Variants in TUBGCP4 observed in about 807,000 individuals in gnomAD.
TUBGCP4 encodes gamma-tubulin complex component 4.
In TUBGCP4, 54 loss-of-function variants were observed where a neutral mutation model predicts 91.6. The ratio of observed to expected loss-of-function variants is 0.59; its 90% confidence interval spans 0.47 to 0.74. The LOEUF is 0.74. Among genes scored for constraint, TUBGCP4 ranks in the 30% least tolerant of loss-of-function variants. TUBGCP4 has a pLI of 0.00. For missense variants in TUBGCP4, 593 were observed against 800.9 expected (o/e 0.74, Z 3.13); for synonymous variants, 297 against 302.8 (o/e 0.98, Z 0.20).
rs746665458 is a variant in TUBGCP4 at position 43,400,157 on chromosome 15, C to G, written c.1532C>G (p.Ala511Gly). 5 of 1,614,178 alleles carry G rather than the reference C, an allele frequency of 3.1e-6. No homozygotes were observed. Among genetic ancestry groups the G allele is most frequent in the South Asian group, 1.1e-5 (1 of 91,078 alleles). Residue 511 changes from alanine (A) to glycine (G), a missense_variant, in exon 14 of 18, where the codon GCA (alanine) becomes GGA (glycine). Ala to Gly is a moderately conservative substitution (Grantham distance 60). Coordinates refer to ENST00000564079, the MANE Select transcript of TUBGCP4 (RefSeq NM_014444.5). ...CACCTCAAGTCGAACCAGACTGATG[C>G]AATCAAGTGGCGCCTAAGAAATCAC... is the stretch of plus-strand genomic sequence containing the variant. ...RKHLKSNQTD[A>G]IKWRLRNHMA... is the part of the protein sequence containing the mutation.
At chr15:43,388,459 A>G (rs2044416672) in intron 9 of TUBGCP4, among the ~76,000 whole-genome samples, 1 of 152,204 alleles carries the variant, frequency 6.6e-6, no homozygotes, top group Non-Finnish European at 1.5e-5. Flanking sequence ...TAAATGACCC[A>G]TGTTCCTGTC....
chr15:43,409,569 C>T lies in TUBGCP4; in HGVS notation c.*4355C>T. 1.3e-6 allele frequency: 1 copy of T among 762,330 alleles called. No individual in the cohort carries two copies. Among genetic ancestry groups the T allele is most frequent in the Non-Finnish European group, 2.1e-6 (1 of 487,578 alleles). 47.2% of individuals were successfully genotyped at this position (762,330 alleles called of 1,614,324 possible). A position where few individuals can be genotyped will look rare whatever the true frequency, so the allele number is the denominator to read the frequency against. Reference sequence around the variant, plus strand: ...CTACTTTATCCAGGTTCCCCAACCCCTCCCAGGCCTCTTCTCAACACAGCA... The same window carrying T: ...CTACTTTATCCAGGTTCCCCAACCCTTCCCAGGCCTCTTCTCAACACAGCA... On this transcript the variant is annotated 3_prime_UTR_variant, in exon 18 of 18. Coordinates refer to ENST00000564079, the MANE Select transcript of TUBGCP4 (RefSeq NM_014444.5).
intron 17 of TUBGCP4, 83 bp downstream of exon 17, chr15:43,404,635 C>T: frequency 6.2e-6 from 9 of 1,462,948 alleles, no homozygotes; most frequent in Non-Finnish European, 8.4e-6. Flanking sequence ...TGGAAGAAGA[C>T]TTTAGTCCAA....
intron 9 of TUBGCP4, among the ~76,000 whole-genome samples, chr15:43,392,108 A>ACG (rs1408712265): frequency 1.3e-5 from 2 of 151,114 alleles, no homozygotes; most frequent in East Asian, 3.9e-4. Context: ...ACACACACAC[A>ACG]CACACACACA....
chr15:43,376,250 T>C (rs373865027), intron 2 of TUBGCP4, 24 bp downstream of exon 2: 23 of 1,613,020 alleles, frequency 1.4e-5, no homozygotes, highest in Non-Finnish European at 1.9e-5. Context: ...TCTGTGGGTG[T>C]ACACCTCTAG....
intron 6 of TUBGCP4, 50 bp from the exon 7 acceptor site, chr15:43,383,253 T>C (rs2142799108): frequency 1.3e-6 from 2 of 1,512,496 alleles, no homozygotes; most frequent in Non-Finnish European, 9.0e-7. Flanking sequence ...GTTTATCCTG[T>C]AACAGTTTAA....
At chr15:43,375,103 A>G (rs1346340898) in intron 1 of TUBGCP4, among the ~76,000 whole-genome samples, 1 of 152,190 alleles carries the variant, frequency 6.6e-6, no homozygotes, top group East Asian at 1.9e-4. Flanking sequence ...GGGTTTCATC[A>G]TGTTGGCCAG....
chr15:43,379,440 G>A (rs551744993), intron 5 of TUBGCP4, among the ~76,000 whole-genome samples: 3 of 152,260 alleles, frequency 2.0e-5, no homozygotes, highest in Non-Finnish European at 4.4e-5. Context: ...AGGAGATTGA[G>A]TCCATCCTGG....
chr15:43,404,391 A>G, intron 16 of TUBGCP4, 22 bp from the exon 17 acceptor site: 1 of 1,613,796 alleles, frequency 6.2e-7, no homozygotes, highest in Non-Finnish European at 8.5e-7. Flanking sequence ...GTGGAATGAC[A>G]GCTGAGTCCT....
At chr15:43,399,819 CAG>C (rs2044638691) in intron 13 of TUBGCP4, among the ~76,000 whole-genome samples, 1 of 152,130 alleles carries the variant, frequency 6.6e-6, no homozygotes, top group Admixed American at 6.6e-5. Flanking sequence ...CTAAAAAATG[CAG>C]AGATGGGGTC....
intron 9 of TUBGCP4, 172 bp from the exon 10 acceptor site, chr15:43,394,935 C>G: frequency 1.5e-6 from 1 of 687,910 alleles, no homozygotes; most frequent in Non-Finnish European, 2.6e-6. Context: ...CTAAGGTATT[C>G]TTTACAGCAG....
chr15:43,378,281 T>G lies in TUBGCP4; in HGVS notation c.441+378T>G, dbSNP rs182400569. 2.0e-3 allele frequency among the ~76,000 whole-genome samples: 305 copies of G among 152,338 alleles called. 1 individual carries two copies. Among genetic ancestry groups the G allele is most frequent in the Admixed American group, 5.0e-3 (77 of 15,306 alleles). On this transcript the variant is annotated intron_variant, in intron 5 of 17. Coordinates refer to ENST00000564079, the MANE Select transcript of TUBGCP4 (RefSeq NM_014444.5). ...AGGTTTATGGTTAGTGTGCTGGCAG[T>G]TTTCTGAGAATTTTGAGATCAGTGA...
Position 43,409,461 on chromosome 15 carries a change from C to T in TUBGCP4, c.*4247C>T. On this transcript the variant is annotated 3_prime_UTR_variant, in exon 18 of 18. Coordinates refer to ENST00000564079, the MANE Select transcript of TUBGCP4 (RefSeq NM_014444.5). ...CATAGCCATTAACTAACCCAAGGTC[C>T]TACCTTCTCTTCCCTATACACAACA... is the stretch of plus-strand genomic sequence containing the variant. 1 of 536,194 alleles carries T rather than the reference C, an allele frequency of 1.9e-6. No individual in the cohort carries two copies. The highest frequency in any genetic ancestry group is 3.3e-6 in the Non-Finnish European group (1 of 303,958). 33.2% of individuals were successfully genotyped at this position (536,194 alleles called of 1,614,324 possible).
At position 43,371,302 on chromosome 15, in the gene TUBGCP4, G is replaced by T; in HGVS notation, c.-53G>T. 6.3e-7 allele frequency: 1 copy of T among 1,575,148 alleles called. No individual in the cohort carries two copies. Among genetic ancestry groups the T allele is most frequent in the Admixed American group, 1.8e-5 (1 of 56,408 alleles). On this transcript the variant is annotated 5_prime_UTR_variant, in exon 1 of 18. In the 5' UTR this introduces an upstream ATG that the reference lacks. Coordinates refer to ENST00000564079, the MANE Select transcript of TUBGCP4 (RefSeq NM_014444.5). ...AGCACTCCCCTCGTGGTCGCCTGGA[G>T]GTGCGCTGGAGGAGGGGGTGACATA...
Position 43,407,830 on chromosome 15 carries a change from G to A in TUBGCP4, c.*2616G>A. The A allele has an allele frequency of 8.8e-7, 1 of 1,138,000 alleles. No homozygotes were observed. The highest frequency in any genetic ancestry group is 1.2e-6 in the Non-Finnish European group (1 of 804,432). The allele number at this position is 1,138,000 out of a possible 1,614,324, so 70.5% of individuals were successfully genotyped here. ...TGAAGGTGGTACTTTTCTTCTCTAAGAAACATGGATACGGTCAACCTATTA... is the reference window on the plus strand; with the variant it reads ...TGAAGGTGGTACTTTTCTTCTCTAAAAAACATGGATACGGTCAACCTATTA... On this transcript the variant is annotated 3_prime_UTR_variant, in exon 18 of 18. Transcript: ENST00000564079.
At chr15:43,376,382 G>A in intron 2 of TUBGCP4, 121 bp from the exon 3 acceptor site, 5 of 1,601,982 alleles carry the variant, frequency 3.1e-6, no homozygotes, top group Non-Finnish European at 4.3e-6. Flanking sequence ...AAATATTCAA[G>A]TGAAGGCAAG....
At position 43,400,360 on chromosome 15, in the gene TUBGCP4, G is replaced by A. The variant is rs2044653342; in HGVS notation, c.1596+139G>A. 7.3e-6 allele frequency: 4 copies of A among 548,878 alleles called. No individual in the cohort carries two copies. In the East Asian group the frequency reaches 8.9e-5, roughly 12 times the overall value. The allele number at this position is 548,878 out of a possible 1,614,324, so 34.0% of individuals were successfully genotyped here. ...GAAAATTCAGGAGTTATATCACCAA[G>A]CATGTTTCTTAAAATAAAAAAAGCA... On this transcript the variant is annotated intron_variant, in intron 14 of 17. Transcript: ENST00000564079.
rs765610911 is a variant in TUBGCP4 at position 43,377,014 on chromosome 15, T to C, written c.331T>C (p.Phe111Leu). 6 of 1,613,440 alleles carry C rather than the reference T, an allele frequency of 3.7e-6. No homozygotes were observed. Among genetic ancestry groups the C allele is most frequent in the Admixed American group, 3.3e-5 (2 of 59,990 alleles). The change falls in exon 4 of 18, where the codon TTC becomes CTC. Residue 111 changes from phenylalanine to leucine, a missense_variant and splice_region_variant. Phe to Leu is a conservative substitution (Grantham distance 22). Transcript: ENST00000564079. Reference sequence around the variant, plus strand: ...CTAATCACAAAGTTTTTTATTGCAGTTCCTGGGTGATCCCCATCTCTCCAT... The same window carrying C: ...CTAATCACAAAGTTTTTTATTGCAGCTCCTGGGTGATCCCCATCTCTCCAT... ...RQALLDLEQE[F>L]LGDPHLSISH...
chr15:43,404,583 C>T (rs754253599), intron 17 of TUBGCP4, 31 bp downstream of exon 17: 1 of 1,606,548 alleles, frequency 6.2e-7, no homozygotes, highest in Non-Finnish European at 8.5e-7. Context: ...ACTCAGTAGA[C>T]TTTTTAAGGT....
Sources: gnomAD v4.1 joint callset for allele counts (sites outside exome capture counted in the v4.1 genomes callset) on GRCh38, gnomAD v4.1.1 for gene constraint, MANE v1.5 for transcripts, NCBI Gene and HGNC (gene_info 2026-07-23, HGNC 2026-07-21) for gene names.